CLNK: variants seen among roughly 807,000 people sequenced by gnomAD.
The protein encoded by CLNK is cytokine-dependent hematopoietic cell linker.
CLNK carries 74 observed loss-of-function variants against 68.6 expected under a neutral mutation model. The ratio of observed to expected loss-of-function variants is 1.08; its 90% CI spans 0.89 to 1.31. The LOEUF is 1.31. CLNK is among the 50% of genes most tolerant of loss of function. The probability of loss-of-function intolerance (pLI) is 0.00; values close to 1 mark genes in which losing one functional copy is unlikely to be tolerated. For synonymous variants in CLNK, 198 were observed against 172.2 expected, an observed-to-expected ratio of 1.15 and a Z score of -1.17; for missense variants, 553 against 515.3, an observed-to-expected ratio of 1.07 and a Z score of -0.71.
At chr4:10,528,183 T>C (rs1718398290) in intron 12 of CLNK, 89 bp from the exon 13 acceptor site, 1 of 564,414 alleles carries the variant, frequency 1.8e-6, no homozygotes, top group Non-Finnish European at 2.7e-6. Context: ...AGCATTTGGT[T>C]GGCAGACTTT....
intron 8 of CLNK, among the ~76,000 whole-genome samples, chr4:10,557,499 G>A (rs1719724789): frequency 6.6e-6 from 1 of 152,180 alleles, no homozygotes; most frequent in South Asian, 2.1e-4. Context: ...TCCAGGCGGT[G>A]TGCTCCTTGT....
At chr4:10,573,580 C>T (rs28592618) in intron 4 of CLNK, among the ~76,000 whole-genome samples, 1 of 152,188 alleles carries the variant, frequency 6.6e-6, no homozygotes, top group Non-Finnish European at 1.5e-5. Context: ...TAAAGACCAG[C>T]TGGCCCGGAA....
chr4:10,524,827 C>T (rs1291461257), intron 14 of CLNK, among the ~76,000 whole-genome samples: 2 of 152,068 alleles, frequency 1.3e-5, no homozygotes, highest in Admixed American at 6.5e-5. Flanking sequence ...GGGGGAGGGG[C>T]TACAGGCAGG....
At chr4:10,598,176 T>G in intron 2 of CLNK, 127 bp from the exon 3 acceptor site, 1 of 647,612 alleles carries the variant, frequency 1.5e-6, no homozygotes, top group Non-Finnish European at 2.7e-6. Flanking sequence ...CACACATAAT[T>G]CTGAATCTCT....
At chr4:10,549,917 CAA>C (rs1719380768) in intron 8 of CLNK, among the ~76,000 whole-genome samples, 1 of 152,216 alleles carries the variant, frequency 6.6e-6, no homozygotes, top group South Asian at 2.1e-4. Flanking sequence ...ACAGATCTCA[CAA>C]AGTTACTGCT....
chr4:10,558,556 G>T, intron 7 of CLNK, 104 bp from the exon 8 acceptor site: 1 of 1,034,192 alleles, frequency 9.7e-7, no homozygotes, highest in Non-Finnish European at 1.5e-6. Flanking sequence ...AAAGCCGTAA[G>T]TCCCTGGGCT....
intron 8 of CLNK, among the ~76,000 whole-genome samples, chr4:10,545,868 GAGCTTC>G (rs1307328048): frequency 6.6e-6 from 1 of 152,198 alleles, no homozygotes; most frequent in Non-Finnish European, 1.5e-5. Flanking sequence ...GTACCTTGCA[GAGCTTC>G]AGTACAAGGG....
At chr4:10,502,935 C>T (rs183059788) in intron 17 of CLNK, among the ~76,000 whole-genome samples, 1 of 152,006 alleles carries the variant, frequency 6.6e-6, no homozygotes, top group African/African-American at 2.4e-5. Flanking sequence ...ATTGAATGGT[C>T]CAAGAGCTGA....
chr4:10,706,739 A>G, the CLNK span, among the ~76,000 whole-genome samples: 2 of 152,114 alleles, frequency 1.3e-5, no homozygotes, highest in Non-Finnish European at 2.9e-5. Context: ...AGCGTGGGCC[A>G]CTCAACAAGG....
intron 1 of CLNK, among the ~76,000 whole-genome samples, chr4:10,679,117 A>T (rs1028689492): frequency 6.6e-6 from 1 of 152,208 alleles, no homozygotes; most frequent in Non-Finnish European, 1.5e-5. Context: ...TTCAAACTAT[A>T]CTACAAGGCT....
chr4:10,651,705 T>TAC (rs538370462), intron 2 of CLNK, among the ~76,000 whole-genome samples: 3 of 152,276 alleles, frequency 2.0e-5, no homozygotes, highest in African/African-American at 7.2e-5. Flanking sequence ...TAAAAATCTT[T>TAC]AAAAAATTAA....
At chr4:10,715,793 C>T in the CLNK span, among the ~76,000 whole-genome samples, 5 of 152,182 alleles carry the variant, frequency 3.3e-5, no homozygotes, top group Admixed American at 6.5e-5. Context: ...GTGTCCTCAG[C>T]GCACTACTTC....
intron 8 of CLNK, among the ~76,000 whole-genome samples, chr4:10,553,052 G>A (rs1197744803): frequency 4.5e-5 from 3 of 66,950 alleles, no homozygotes; most frequent in Non-Finnish European, 8.0e-5. Flanking sequence ...AGGAAGAGGA[G>A]GGGGGGGCAT....
chr4:10,594,129 T>C (rs1169379711), intron 3 of CLNK, among the ~76,000 whole-genome samples: 1 of 152,230 alleles, frequency 6.6e-6, no homozygotes, highest in African/African-American at 2.4e-5. Context: ...TCCCACCAGA[T>C]ACTGAGCATG....
At position 10,490,323 on chromosome 4, in the gene CLNK, T is replaced by A; in HGVS notation, c.*144A>T. The A allele has an allele frequency of 1.5e-6, 1 of 678,916 alleles. No individual in the cohort carries two copies. Among genetic ancestry groups the A allele is most frequent in the Admixed American group, 4.0e-5 (1 of 25,294 alleles). 42.1% of individuals were successfully genotyped at this position (678,916 alleles called of 1,614,324 possible). On this transcript the variant is annotated 3_prime_UTR_variant, in exon 19 of 19. Transcript: ENST00000226951. ...TTGAACTTTCAAAACCGTGAGTGAT[T>A]TTCCACTCTCTGTTATAGAGTGTTT...
the CLNK span, among the ~76,000 whole-genome samples, chr4:10,693,593 C>T: frequency 1.3e-5 from 2 of 152,230 alleles, no homozygotes; most frequent in Admixed American, 6.5e-5. Flanking sequence ...ATTTAGGACT[C>T]TGGCCTCCAG....
At chr4:10,569,081 G>A (rs1211948934) in intron 5 of CLNK, among the ~76,000 whole-genome samples, 2 of 151,826 alleles carry the variant, frequency 1.3e-5, no homozygotes, top group African/African-American at 2.4e-5. Context: ...TAGTTCATTC[G>A]ATCAGGTTTA....
intron 17 of CLNK, among the ~76,000 whole-genome samples, chr4:10,502,832 G>T (rs775855795): frequency 2.0e-5 from 3 of 151,988 alleles, no homozygotes; most frequent in African/African-American, 7.3e-5. Context: ...GAAAAGGCCC[G>T]GAGATGCCTG....
chr4:10,535,219 G>GAAAGA (rs1380663930), intron 11 of CLNK, among the ~76,000 whole-genome samples: 2 of 76,998 alleles, frequency 2.6e-5, no homozygotes, highest in Non-Finnish European at 5.4e-5. Context: ...GAAAGAGAAA[G>GAAAGA]AAAGAAAGAA....
Sources: allele counts gnomAD v4.1 joint callset (sites outside exome capture counted in the v4.1 genomes callset), GRCh38; gene constraint gnomAD v4.1.1; transcripts MANE v1.5; gene names NCBI Gene and HGNC (gene_info 2026-07-23, HGNC 2026-07-21).